The following SNX31 variants were observed in gnomAD, a reference collection of about 807,000 sequenced individuals.
SNX31 encodes the protein sorting nexin 31, also known as sorting nexin-31.
In SNX31, 58 loss-of-function variants were observed where a neutral mutation model predicts 65.4. The observed-to-expected ratio is 0.89, with a 90% CI of 0.72 to 1.10. The LOEUF (loss-of-function observed/expected upper bound fraction) is 1.10, where lower values mean the gene tolerates loss of function less well. Ranked by LOEUF, SNX31 falls within the 50% of genes least tolerant of loss-of-function variation. The pLI is 0.00. For missense variants in SNX31, 523 were observed against 529.7 expected (o/e 0.99, Z 0.12); for synonymous variants, 181 against 190.1 (o/e 0.95, Z 0.39).
intron 2 of SNX31, among the ~76,000 whole-genome samples, chr8:100,646,436 TA>T (rs1057426012): frequency 1.3e-5 from 2 of 152,284 alleles, no homozygotes. Context: ...TTCAGACCTT[TA>T]AAGGTGTCAG....
At chr8:100,645,510 T>TA (rs373967550) in intron 2 of SNX31, among the ~76,000 whole-genome samples, 5 of 151,828 alleles carry the variant, frequency 3.3e-5, no homozygotes, top group South Asian at 2.1e-4. Context: ...ATACTTATAC[T>TA]AAAAAAAATT....
At position 100,617,622 on chromosome 8, in the gene SNX31, C is replaced by CT. The variant is rs1332782990; in HGVS notation, c.429dup (p.Glu144ArgfsTer38). On this transcript the variant is annotated frameshift_variant, in exon 5 of 14. Transcript: ENST00000311812. LOFTEE classifies it high-confidence loss of function. ...GCTGGAGTTTAAACAAAGCTTACCT[C>CT]TAGGACTCTTTCAGCAGTGTCTGAT... 5.0e-6 allele frequency: 8 copies of CT among 1,600,444 alleles called. No individual in the cohort carries two copies. In the Admixed American group the frequency reaches 1.0e-4, roughly 20 times the overall value.
At chr8:100,651,503 C>G (rs1165021623), upstream of SNX31, among the ~76,000 whole-genome samples, 2 of 152,160 alleles carry the variant, frequency 1.3e-5, no homozygotes, top group Admixed American at 6.5e-5. Flanking sequence ...TCACTAAGTG[C>G]CCCCCTGGAG....
chr8:100,637,613 G>A (rs531241553), intron 2 of SNX31, among the ~76,000 whole-genome samples: 12 of 152,086 alleles, frequency 7.9e-5, no homozygotes, highest in Non-Finnish European at 1.6e-4. Context: ...TATTGCAATC[G>A]CCTTCCAACA....
rs1816796440 is a variant in SNX31, at chr8:100,612,437, T to C, written c.524-350A>G. On this transcript the variant is annotated intron_variant, in intron 6 of 13. Coordinates refer to ENST00000311812, the MANE Select transcript of SNX31 (RefSeq NM_152628.4). The surrounding 1 kb of genome is among the most constrained non-coding windows in gnomAD (Gnocchi z 4.3). ...CAACTCAAAACCACCTCCCCTGGCT[T>C]CTTGAGGACATTTATAAACTACTTT... is the stretch of plus-strand genomic sequence containing the variant. Among the ~76,000 whole-genome samples the C allele has an allele frequency of 6.6e-6, 1 of 152,024 alleles. No individual in the cohort carries two copies. The highest frequency in any genetic ancestry group is 2.1e-4 in the South Asian group (1 of 4,826).
chr8:100,631,684 A>G (rs1818427464), intron 3 of SNX31, among the ~76,000 whole-genome samples: 1 of 152,166 alleles, frequency 6.6e-6, no homozygotes, highest in African/African-American at 2.4e-5. Flanking sequence ...CTTTCCCAAA[A>G]GACATCATGT....
rs113972208 is a variant in SNX31 at position 100,624,906 on chromosome 8, A to G, written c.321+5421T>C. ...AGCCTCAAAGCTCTGGGCTCAAGCA[A>G]TCCTCCTGCCTCAGCCTCCAGAGTA... On this transcript the variant is annotated intron_variant, in intron 4 of 13. Transcript: ENST00000311812. Among the ~76,000 whole-genome samples the G allele has an allele frequency of 3.9e-5, 6 of 152,096 alleles. 1 individual carries two copies. The highest frequency in any genetic ancestry group is 1.4e-4 in the African/African-American group (6 of 41,468).
intron 3 of SNX31, among the ~76,000 whole-genome samples, chr8:100,632,569 A>G (rs77194040): frequency 0.034 from 5,212 of 152,224 alleles, 147 homozygotes; most frequent in Non-Finnish European, 0.052. Context: ...CATACAGGAG[A>G]AAAACCCTTT....
At chr8:100,642,307 G>A (rs911155631) in intron 2 of SNX31, among the ~76,000 whole-genome samples, 2 of 152,122 alleles carry the variant, frequency 1.3e-5, no homozygotes, top group African/African-American at 4.8e-5. Context: ...AACTGATTAA[G>A]TGATCTTTAA....
intron 11 of SNX31, among the ~76,000 whole-genome samples, chr8:100,586,910 T>C (rs1174388058): frequency 6.6e-6 from 1 of 152,220 alleles, no homozygotes; most frequent in Non-Finnish European, 1.5e-5. Context: ...CAATTTGAAA[T>C]GGCTTAATTT....
At position 100,606,535 on chromosome 8, in the gene SNX31, C is replaced by T. The variant is rs141919696; in HGVS notation, c.681+1959G>A. ...GGGCTAAGTTTCTTTCCCTCTTCTA[C>T]GCCCTCTGGTAAGCCAGGGTAACAA... On this transcript the variant is annotated intron_variant, in intron 8 of 13. Transcript: ENST00000311812. Among the ~76,000 whole-genome samples the T allele has an allele frequency of 3.6e-3, 549 of 152,300 alleles. 1 individual carries two copies. Among genetic ancestry groups the T allele is most frequent in the Middle Eastern group, 6.8e-3 (2 of 294 alleles).
At chr8:100,581,358 A>ATAT (rs1813539676) in intron 12 of SNX31, among the ~76,000 whole-genome samples, 1 of 126,184 alleles carries the variant, frequency 7.9e-6, no homozygotes, top group Admixed American at 8.2e-5. Context: ...TATATATATA[A>ATAT]TTTAAGAACT....
chr8:100,641,082 T>C (rs888383060), intron 2 of SNX31, among the ~76,000 whole-genome samples: 1 of 113,976 alleles, frequency 8.8e-6, no homozygotes, highest in Admixed American at 9.3e-5. Context: ...TAAAACTGTT[T>C]CAAAAATTAA....
Position 100,578,116 on chromosome 8 carries a change from C to T in SNX31, c.1171-1041G>A, listed in dbSNP as rs909509602. ...GCCCGCAGGCTGTGGGTTGGACAAGCTTGAGTTATCCCATTGAGGGTAAGG... is the reference window on the plus strand; with the variant it reads ...GCCCGCAGGCTGTGGGTTGGACAAGTTTGAGTTATCCCATTGAGGGTAAGG... On this transcript the variant is annotated intron_variant, in intron 12 of 13. Transcript: ENST00000311812. The surrounding 1 kb of genome is among the most constrained non-coding windows in gnomAD (Gnocchi z 4.7). 2.0e-5 allele frequency among the ~76,000 whole-genome samples: 3 copies of T among 152,212 alleles called. No homozygotes were observed. The highest frequency in any genetic ancestry group is 7.2e-5 in the African/African-American group (3 of 41,450).
In SNX31 at chr8:100,620,748, A is replaced by G. The variant is rs191075995; in HGVS notation, c.322-3018T>C. ...AATTCTCATAACAACTCCATGAGGCATATACACTTACTAATCCCATTATTT... is the reference window on the plus strand; with the variant it reads ...AATTCTCATAACAACTCCATGAGGCGTATACACTTACTAATCCCATTATTT... On this transcript the variant is annotated intron_variant, in intron 4 of 13. Transcript: ENST00000311812. 2.8e-3 allele frequency among the ~76,000 whole-genome samples: 425 copies of G among 152,314 alleles called. 1 individual carries two copies. Among genetic ancestry groups the G allele is most frequent in the African/African-American group, 8.5e-3 (355 of 41,560 alleles).
chr8:100,638,589 T>G (rs1048084830), intron 2 of SNX31, among the ~76,000 whole-genome samples: 3 of 152,268 alleles, frequency 2.0e-5, no homozygotes, highest in Non-Finnish European at 4.4e-5. Flanking sequence ...TACCAGCAGT[T>G]ATTTGTGTGA....
intron 4 of SNX31, among the ~76,000 whole-genome samples, chr8:100,623,732 C>A (rs900814749): frequency 2.0e-5 from 3 of 152,116 alleles, no homozygotes; most frequent in African/African-American, 7.2e-5. Flanking sequence ...ATAATCAAGG[C>A]CCCTCCTTCA....
intron 2 of SNX31, among the ~76,000 whole-genome samples, chr8:100,646,142 G>A (rs1284817321): frequency 6.7e-6 from 1 of 148,964 alleles, no homozygotes; most frequent in Non-Finnish European, 1.5e-5. Context: ...CTGACAAAAG[G>A]CAGATTCATA....
chr8:100,662,076 T>G (rs1809797265), intron 1 of SNX31, among the ~76,000 whole-genome samples: 1 of 152,164 alleles, frequency 6.6e-6, no homozygotes, highest in Non-Finnish European at 1.5e-5. Flanking sequence ...CCACCTGCCT[T>G]GGCCTCCCAG....
Sources: gnomAD v4.1 joint callset for allele counts (sites outside exome capture counted in the v4.1 genomes callset) on GRCh38, gnomAD v4.1.1 for gene constraint, Gnocchi (gnomAD v3.1) non-coding constraint, MANE v1.5 for transcripts, NCBI Gene and HGNC (gene_info 2026-07-23, HGNC 2026-07-21) for gene names.